Variants in PCYT1B observed in about 807,000 individuals in gnomAD.
PCYT1B encodes phosphate cytidylyltransferase 1B, choline.
In PCYT1B, 10 loss-of-function variants were observed where a neutral mutation model predicts 26.4. The ratio of observed to expected loss-of-function variants is 0.38; its 90% CI spans 0.23 to 0.64. PCYT1B has a LOEUF of 0.64. Ranked by LOEUF, PCYT1B falls within the 30% of genes least tolerant of loss-of-function variation. The probability of loss-of-function intolerance (pLI) is 0.56; values close to 1 mark genes in which losing one functional copy is unlikely to be tolerated. For synonymous variants in PCYT1B, 131 were observed against 108.4 expected (o/e 1.21, Z -1.29); for missense variants, 161 against 292.7 (o/e 0.55, Z 3.28).
Position 24,647,175 on chromosome X carries a change from G to T in PCYT1B, c.-70C>A. 8.6e-7 allele frequency: 1 copy of T among 1,165,069 alleles called. No homozygotes were observed. The highest frequency in any genetic ancestry group is 2.3e-5 in the Admixed American group (1 of 42,701). On this transcript the variant is annotated 5_prime_UTR_variant, in exon 1 of 8. Coordinates refer to ENST00000379144, the MANE Select transcript of PCYT1B (RefSeq NM_004845.5). ...CTCCCAGGCAGAGAATGTTTTCTTT[G>T]TCACGTATTTTTCTCCCCTCTACCC...
intron 2 of PCYT1B, among the ~76,000 whole-genome samples, chrX:24,613,978 A>G (rs1211744862): frequency 1.0e-5 from 1 of 96,464 alleles, no homozygotes; most frequent in Non-Finnish European, 2.1e-5. Flanking sequence ...AAAAAAAAAA[A>G]GAAAGAAAGA....
rs1925612194 is a variant in PCYT1B, at chrX:24,618,982, C to T, written c.217+3G>A. On this transcript the variant is annotated splice_donor_region_variant and intron_variant, in intron 2 of 7. Transcript: ENST00000379144. ...CATTTAAGACAAAGAAGTACAGCCT[C>T]ACCTGGTGTTCCTAAGCGGGCCTGA... 2 of 1,109,405 alleles carry T rather than the reference C, an allele frequency of 1.8e-6. No individual in the cohort carries two copies. The highest frequency in any genetic ancestry group is 3.1e-5 in the East Asian group (1 of 32,689). 91.4% of individuals were successfully genotyped at this position (1,109,405 alleles called of 1,213,427 possible).
Position 24,585,036 on chromosome X carries a change from C to T in PCYT1B, c.565+2205G>A, listed in dbSNP as rs182586467. Among the ~76,000 whole-genome samples, 39 of 111,457 alleles carry T rather than the reference C, an allele frequency of 3.5e-4. No homozygotes were observed. In the East Asian group the frequency reaches 0.01, roughly 29 times the overall value. The stretch of plus-strand genomic sequence containing the variant: ...CTATAAGCCCTGGAGTGTATATTAA[C>T]CCTGGGAAGGCATGAAATTAATTAA... On this transcript the variant is annotated intron_variant, in intron 5 of 7. Coordinates refer to ENST00000379144, the MANE Select transcript of PCYT1B (RefSeq NM_004845.5).
chrX:24,672,754 G>T, upstream of PCYT1B: 1 of 530,252 alleles, frequency 1.9e-6, no homozygotes, highest in Non-Finnish European at 3.2e-6. Context: ...TGTGCCCAGC[G>T]CTCAAAGATA....
At chrX:24,621,733 C>T in intron 1 of PCYT1B, 1 of 190,916 alleles carries the variant, frequency 5.2e-6, no homozygotes, top group Non-Finnish European at 8.0e-6. Flanking sequence ...GATTCATTAC[C>T]TTTTAATATA....
intron 3 of PCYT1B, among the ~76,000 whole-genome samples, chrX:24,604,110 A>G (rs1428909623): frequency 1.8e-5 from 2 of 108,362 alleles, no homozygotes; most frequent in Non-Finnish European, 3.8e-5. Context: ...TTTTTGAGAC[A>G]GAATCTCACT....
intron 7 of PCYT1B, among the ~76,000 whole-genome samples, chrX:24,568,487 G>A (rs1923707990): frequency 9.0e-6 from 1 of 111,641 alleles, no homozygotes; most frequent in Non-Finnish European, 1.9e-5. Context: ...GGGAGTTCAA[G>A]GTTGCAGTGA....
intron 1 of PCYT1B, among the ~76,000 whole-genome samples, chrX:24,662,222 T>C (rs771096056): frequency 4.4e-5 from 5 of 112,581 alleles, no homozygotes; most frequent in Admixed American, 9.4e-5. Flanking sequence ...TCAAAACTAT[T>C]TTAGAAATAT....
Position 24,579,442 on chromosome X carries a change from C to T in PCYT1B, c.582G>A (p.Thr194=), listed in dbSNP as rs374179198. The change falls in exon 6 of 8, where the codon ACG becomes ACA. Residue 194 remains threonine, a synonymous_variant. Transcript: ENST00000379144. ...ATGTTGAGATGCCTTCTGTTCTCTG[C>T]GTTGGAACGAACATCCCTGTTCAAG... ...HIKEAGMFVP[T]QRTEGISTSD... 3.0e-4 allele frequency: 362 copies of T among 1,206,998 alleles called. 1 individual carries two copies. Among genetic ancestry groups the T allele is most frequent in the South Asian group, 5.7e-4 (32 of 56,518 alleles).
intron 7 of PCYT1B, among the ~76,000 whole-genome samples, chrX:24,571,301 T>C (rs1192336837): frequency 1.8e-5 from 2 of 110,831 alleles, no homozygotes; most frequent in African/African-American, 6.6e-5. Flanking sequence ...GAGGCAGAGA[T>C]TGCAGTGAAC....
In PCYT1B at chrX:24,560,181, T is replaced by C. The variant is rs1923354522; in HGVS notation, c.*2112A>G. 3 of 111,276 alleles carry C rather than the reference T, an allele frequency of 2.7e-5. No individual in the cohort carries two copies. In the Admixed American group the frequency reaches 2.9e-4, roughly 11 times the overall value. 9.2% of individuals were successfully genotyped at this position (111,276 alleles called of 1,213,427 possible). ...GGGCACAAAGGCCTTCCCAAGAGAG[T>C]CTCACCTGTAAAGTGAGGTCCTGAA... On this transcript the variant is annotated 3_prime_UTR_variant, in exon 8 of 8. Transcript: ENST00000379144.
chrX:24,634,712 C>G (rs979469379), intron 1 of PCYT1B, among the ~76,000 whole-genome samples: 1 of 111,685 alleles, frequency 9.0e-6, no homozygotes, highest in Non-Finnish European at 1.9e-5. Flanking sequence ...CGCCACCGCA[C>G]TCCAGGCTGG....
At chrX:24,565,267 C>G (rs902930198) in intron 7 of PCYT1B, among the ~76,000 whole-genome samples, 2 of 111,577 alleles carry the variant, frequency 1.8e-5, no homozygotes, top group Non-Finnish European at 3.8e-5. Flanking sequence ...TCCTTTGATA[C>G]AAAACTGGCC....
chrX:24,562,229 C>T lies in PCYT1B; in HGVS notation c.*64G>A. The T allele has an allele frequency of 8.5e-7, 1 of 1,176,486 alleles. No homozygotes were observed. The highest frequency in any genetic ancestry group is 1.1e-6 in the Non-Finnish European group (1 of 876,838). On this transcript the variant is annotated 3_prime_UTR_variant, in exon 8 of 8. Coordinates refer to ENST00000379144, the MANE Select transcript of PCYT1B (RefSeq NM_004845.5). The stretch of plus-strand genomic sequence containing the variant: ...TATTACCCTTCAAACACCACCCAGG[C>T]AACCCTGTGACTCTCGCCCTCCTCC...
At chrX:24,595,829 C>T (rs1367975228) in intron 3 of PCYT1B, among the ~76,000 whole-genome samples, 2 of 104,909 alleles carry the variant, frequency 1.9e-5, no homozygotes, top group African/African-American at 3.5e-5. Flanking sequence ...TGCAGTGAGC[C>T]GAGATCACAC....
intron 1 of PCYT1B, among the ~76,000 whole-genome samples, chrX:24,666,127 G>T (rs1927122754): frequency 9.0e-6 from 1 of 111,366 alleles, no homozygotes; most frequent in Non-Finnish European, 1.9e-5. Flanking sequence ...ATTGATCCAT[G>T]TCTCACTCAA....
chrX:24,590,400 T>C (rs1215973071), intron 3 of PCYT1B, among the ~76,000 whole-genome samples: 2 of 112,123 alleles, frequency 1.8e-5, no homozygotes, highest in African/African-American at 6.5e-5. Context: ...ACATCTGCAT[T>C]CTCCACTGTG....
intron 1 of PCYT1B, among the ~76,000 whole-genome samples, chrX:24,627,716 G>T (rs764123077): frequency 8.9e-6 from 1 of 112,077 alleles, no homozygotes; most frequent in Non-Finnish European, 1.9e-5. Context: ...AACCACTGAG[G>T]TGTCTGGTGT....
chrX:24,599,185 A>C (rs1175837467), intron 3 of PCYT1B, among the ~76,000 whole-genome samples: 1 of 111,883 alleles, frequency 8.9e-6, no homozygotes, highest in African/African-American at 3.2e-5. Flanking sequence ...CTTGGCAACA[A>C]ATCCTTTTGC....
Sources: gnomAD v4.1 joint callset for allele counts (sites outside exome capture counted in the v4.1 genomes callset) on GRCh38, gnomAD v4.1.1 for gene constraint, MANE v1.5 for transcripts, NCBI Gene and HGNC (gene_info 2026-07-23, HGNC 2026-07-21) for gene names.